MLLT3: variants seen among roughly 807,000 people sequenced by gnomAD.
The protein encoded by MLLT3 is protein AF-9.
Under a neutral mutation model 53.2 loss-of-function variants are expected in MLLT3, and 4 were observed. The observed-to-expected ratio is 0.08, with a 90% CI of 0.04 to 0.17. The LOEUF (loss-of-function observed/expected upper bound fraction) is 0.17, where lower values mean the gene tolerates loss of function less well. Among genes scored for constraint, MLLT3 ranks in the 10% least tolerant of loss-of-function variants. MLLT3 has a pLI of 1.00. For synonymous variants in MLLT3, 283 were observed against 230.6 expected (o/e 1.23, Z -2.06); for missense variants, 569 against 684.0 (o/e 0.83, Z 1.87).
At chr9:20,517,097 G>C (rs1301037009) in intron 2 of MLLT3, among the ~76,000 whole-genome samples, 6 of 152,088 alleles carry the variant, frequency 3.9e-5, no homozygotes, top group Non-Finnish European at 8.8e-5. Flanking sequence ...TGCTAGTATA[G>C]GTTGTTTCAG....
intron 4 of MLLT3, among the ~76,000 whole-genome samples, chr9:20,436,739 T>C (rs913935517): frequency 6.6e-6 from 1 of 152,128 alleles, no homozygotes; most frequent in African/African-American, 2.4e-5. Context: ...ATCTGTAAAA[T>C]GGTGACCTTG....
At chr9:20,431,955 T>A (rs1420087607) in intron 4 of MLLT3, among the ~76,000 whole-genome samples, 1 of 152,118 alleles carries the variant, frequency 6.6e-6, no homozygotes, top group Admixed American at 6.6e-5. Flanking sequence ...GGTAAAACCA[T>A]GTTTAAAAGC....
At chr9:20,535,105 G>C (rs111230502) in intron 2 of MLLT3, among the ~76,000 whole-genome samples, 1 of 152,134 alleles carries the variant, frequency 6.6e-6, no homozygotes, top group Non-Finnish European at 1.5e-5. Flanking sequence ...GGGCCACACG[G>C]CAGGTCAGCG....
intron 4 of MLLT3, among the ~76,000 whole-genome samples, chr9:20,421,875 A>C (rs1823017759): frequency 6.6e-6 from 1 of 152,008 alleles, no homozygotes; most frequent in Admixed American, 6.6e-5. Context: ...GAAAGAGTGA[A>C]GCAAAATGGA....
At position 20,343,134 on chromosome 9, in the gene MLLT3, G is replaced by A. The variant is rs1460478332; in HGVS notation, c.*3309C>T. The stretch of plus-strand genomic sequence containing the variant: ...TAGGATGTTATACAGGCCTAAAATT[G>A]TTTCTTCTCTTTTTTTTAAAGATTA... On this transcript the variant is annotated 3_prime_UTR_variant, in exon 11 of 11. Coordinates refer to ENST00000380338, the MANE Select transcript of MLLT3 (RefSeq NM_004529.4). The A allele has an allele frequency of 2.5e-5, 3 of 119,188 alleles. No homozygotes were observed. The highest frequency in any genetic ancestry group is 1.3e-4 in the Admixed American group (1 of 7,744). The allele number at this position is 119,188 out of a possible 1,614,324, so 7.4% of individuals were successfully genotyped here. A position where few individuals can be genotyped will look rare whatever the true frequency, so the allele number is the denominator to read the frequency against.
intron 2 of MLLT3, among the ~76,000 whole-genome samples, chr9:20,506,123 C>T (rs1270810608): frequency 2.0e-5 from 3 of 150,598 alleles, no homozygotes; most frequent in Admixed American, 6.6e-5. Flanking sequence ...GGCACGATTT[C>T]GGCTCACTGC....
chr9:20,610,878 T>C (rs1057225730), intron 2 of MLLT3, among the ~76,000 whole-genome samples: 11 of 152,172 alleles, frequency 7.2e-5, no homozygotes, highest in Non-Finnish European at 1.0e-4. Flanking sequence ...CAGACAATCT[T>C]GAACTGGGTC....
intron 5 of MLLT3, among the ~76,000 whole-genome samples, chr9:20,400,144 A>T (rs1286464412): frequency 1.3e-5 from 2 of 152,036 alleles, no homozygotes; most frequent in African/African-American, 4.8e-5. Flanking sequence ...TAAAACAAAC[A>T]AAAAAACCTA....
intron 2 of MLLT3, among the ~76,000 whole-genome samples, chr9:20,562,135 T>C (rs1328181926): frequency 1.3e-5 from 2 of 152,152 alleles, no homozygotes; most frequent in African/African-American, 4.8e-5. Context: ...CATGTCAACA[T>C]TTACCATGTA....
At chr9:20,542,246 T>G (rs1446089641) in intron 2 of MLLT3, among the ~76,000 whole-genome samples, 1 of 148,232 alleles carries the variant, frequency 6.7e-6, no homozygotes, top group African/African-American at 2.5e-5. Context: ...ATATTTTTTT[T>G]TTTTTTTTTT....
intron 2 of MLLT3, among the ~76,000 whole-genome samples, chr9:20,461,055 T>C (rs1459821709): frequency 4.6e-5 from 7 of 152,164 alleles, no homozygotes; most frequent in Non-Finnish European, 1.5e-5. Flanking sequence ...TTACTACCCA[T>C]GTACTCCAAG....
chr9:20,492,627 A>T (rs1387807794), intron 2 of MLLT3, among the ~76,000 whole-genome samples: 2 of 151,944 alleles, frequency 1.3e-5, no homozygotes, highest in Non-Finnish European at 2.9e-5. Flanking sequence ...TGCTAGATTT[A>T]ATAGAAAAAA....
intron 10 of MLLT3, among the ~76,000 whole-genome samples, chr9:20,350,455 C>T (rs990096613): frequency 4.0e-5 from 6 of 151,570 alleles, no homozygotes; most frequent in Middle Eastern, 3.4e-3. Context: ...ATTAGCCGGG[C>T]GTGGTGGCGG....
At chr9:20,473,541 C>T (rs761574045) in intron 2 of MLLT3, among the ~76,000 whole-genome samples, 22 of 152,138 alleles carry the variant, frequency 1.4e-4, no homozygotes, top group African/African-American at 4.8e-4. Flanking sequence ...GACATAGACA[C>T]AGTCAGGGAA....
At chr9:20,434,397 AT>A (rs1424679079) in intron 4 of MLLT3, among the ~76,000 whole-genome samples, 1 of 152,020 alleles carries the variant, frequency 6.6e-6, no homozygotes, top group Non-Finnish European at 1.5e-5. Flanking sequence ...ATTATTTCCA[AT>A]TTTTTTTAAA....
intron 2 of MLLT3, among the ~76,000 whole-genome samples, chr9:20,595,829 T>C (rs994985982): frequency 6.6e-6 from 1 of 152,184 alleles, no homozygotes; most frequent in Non-Finnish European, 1.5e-5. Flanking sequence ...ACATATACTA[T>C]CTGAATCCCA....
At position 20,353,380 on chromosome 9, in the gene MLLT3, A is replaced by G. The variant is rs938406770; in HGVS notation, c.1575+145T>C. The G allele has an allele frequency of 4.3e-6, 3 of 702,916 alleles. No individual in the cohort carries two copies. The African/African-American group carries it at 5.3e-5, about 12-fold the overall frequency. 43.5% of individuals were successfully genotyped at this position (702,916 alleles called of 1,614,324 possible). On this transcript the variant is annotated intron_variant, in intron 10 of 10. Coordinates refer to ENST00000380338, the MANE Select transcript of MLLT3 (RefSeq NM_004529.4). ...CTTCTAGGTGGCCTCAGAAATGAGA[A>G]CCTTTCCCAAATACATCTACAGGTG...
In MLLT3 at chr9:20,414,280, C is replaced by G; in HGVS notation, c.566G>C (p.Ser189Thr). The stretch of plus-strand genomic sequence containing the variant: ...GTGAGGCTTTGAAAAACTGGTACTA[C>G]TGCTGCTGCTGCTGCTGCTACTGCT... ...SSSSSSSSSS[S>T]STSFSKPHKL... The change falls in exon 5 of 11, where the codon AGT (serine) becomes ACT (threonine). Residue 189 changes from serine to threonine, a missense_variant. Coordinates refer to ENST00000380338, the MANE Select transcript of MLLT3 (RefSeq NM_004529.4). The G allele has an allele frequency of 6.2e-7, 1 of 1,608,530 alleles. No individual in the cohort carries two copies. Among genetic ancestry groups the G allele is most frequent in the South Asian group, 1.1e-5 (1 of 90,656 alleles).
intron 2 of MLLT3, among the ~76,000 whole-genome samples, chr9:20,611,612 C>A (rs900490379): frequency 1.3e-5 from 2 of 151,986 alleles, no homozygotes; most frequent in Non-Finnish European, 2.9e-5. Flanking sequence ...TTTATAATCA[C>A]TAATGAACAC....
Sources: allele counts gnomAD v4.1 joint callset (sites outside exome capture counted in the v4.1 genomes callset), GRCh38; gene constraint gnomAD v4.1.1; transcripts MANE v1.5; gene names NCBI Gene and HGNC (gene_info 2026-07-23, HGNC 2026-07-21).